ZNF718: variants seen among roughly 807,000 people sequenced by gnomAD.
ZNF718 encodes zinc finger protein 718.
Under a neutral mutation model 2.6 loss-of-function variants are expected in ZNF718, and 3 were observed. The ratio of observed to expected loss-of-function variants is 1.16; its 90% CI spans 0.53 to 3.01. The LOEUF is 3.01. Among genes scored for constraint, ZNF718 ranks in the 30% most tolerant of loss-of-function variants. The pLI is 0.03. For synonymous variants in ZNF718, 135 were observed against 77.9 expected (o/e 1.73, Z -3.86); for missense variants, 468 against 230.0 (o/e 2.03, Z -6.69).
intron 3 of ZNF718, among the ~76,000 whole-genome samples, chr4:188,848 C>T (rs1248893785): frequency 2.6e-5 from 4 of 152,084 alleles, no homozygotes; most frequent in African/African-American, 9.7e-5. Context: ...GATAGGTCCT[C>T]AAAATCTATC....
intron 3 of ZNF718, among the ~76,000 whole-genome samples, chr4:193,597 G>T (rs1391390689): frequency 6.6e-6 from 1 of 152,140 alleles, no homozygotes; most frequent in African/African-American, 2.4e-5. Flanking sequence ...GTGGCTCAGA[G>T]AAGTATCTAG....
Position 161,178 on chromosome 4 carries a change from T to C in ZNF718, c.493T>C (p.Tyr165His), listed in dbSNP as rs1553814971. 1 of 767,184 alleles carries C rather than the reference T, an allele frequency of 1.3e-6. No individual in the cohort carries two copies. Among genetic ancestry groups the C allele is most frequent in the East Asian group, 2.4e-5 (1 of 41,010 alleles). The allele number at this position is 767,184 out of a possible 1,614,324, so 47.5% of individuals were successfully genotyped here. The part of the protein sequence containing the change: ...FSNSNKDKIR[Y>H]TGDKTFKCKE... ...AAATTCAAACAAAGATAAGATAAGA[T>C]ATACTGGAGATAAAACCTTTAAATG... Residue 165 changes from tyrosine to histidine, a missense_variant, in exon 4 of 4, where the codon TAT becomes CAT. Tyr to His is a moderately conservative substitution (Grantham distance 83). Coordinates refer to ENST00000510175, the MANE Select transcript of ZNF718 (RefSeq NM_001039127.6).
At chr4:192,607 T>G (rs1374074910) in intron 3 of ZNF718, among the ~76,000 whole-genome samples, 1 of 152,128 alleles carries the variant, frequency 6.6e-6, no homozygotes, top group Non-Finnish European at 1.5e-5. Flanking sequence ...AACTCTTAAC[T>G]GCTATCTGCT....
chr4:154,808 A>G lies in ZNF718; in HGVS notation c.227-6104A>G, dbSNP rs182928251. Among the ~76,000 whole-genome samples, 7 of 152,340 alleles carry G rather than the reference A, an allele frequency of 4.6e-5. No individual in the cohort carries two copies. In the South Asian group the frequency reaches 8.3e-4, roughly 18 times the overall value. On this transcript the variant is annotated intron_variant, in intron 3 of 3. Transcript: ENST00000510175. ...ATTCAAGCTCACTGCAGAAATTCGC[A>G]TAAGTAATGAGGAGCCAAATGTTAA...
At chr4:169,299 G>A (rs565963661) in intron 3 of ZNF718, among the ~76,000 whole-genome samples, 44 of 152,284 alleles carry the variant, frequency 2.9e-4, no homozygotes, top group South Asian at 8.3e-4. Context: ...AATAAGTGCA[G>A]TGTGGTGCTG....
chr4:144,114 A>G (rs568330770), intron 3 of ZNF718, among the ~76,000 whole-genome samples: 3 of 152,274 alleles, frequency 2.0e-5, no homozygotes, highest in East Asian at 1.9e-4. Context: ...AAAGTAACCA[A>G]TGGAATACTC....
At chr4:200,336 C>T (rs1239086830) in intron 3 of ZNF718, among the ~76,000 whole-genome samples, 1 of 152,196 alleles carries the variant, frequency 6.6e-6, no homozygotes, top group Non-Finnish European at 1.5e-5. Context: ...GATCTTGGCT[C>T]ACTGCAACCT....
intron 3 of ZNF718, among the ~76,000 whole-genome samples, chr4:196,518 T>G (rs115174230): frequency 0.018 from 2,802 of 152,102 alleles, 82 homozygotes; most frequent in African/African-American, 0.064. Context: ...TAAGGAGAAT[T>G]TTGAGGCTAC....
chr4:134,584 C>G (rs1553808999), intron 3 of ZNF718, among the ~76,000 whole-genome samples: 1 of 152,136 alleles, frequency 6.6e-6, no homozygotes, highest in Non-Finnish European at 1.5e-5. Context: ...ATTAGTTATT[C>G]TAATGGAATA....
Position 161,282 on chromosome 4 carries a change from CA to C in ZNF718, c.598del (p.Thr200HisfsTer239), listed in dbSNP as rs1376962438. 1.3e-6 allele frequency: 1 copy of C among 782,030 alleles called. No homozygotes were observed. The highest frequency in any genetic ancestry group is 2.4e-6 in the Non-Finnish European group (1 of 419,494). The allele number at this position is 782,030 out of a possible 1,614,324, so 48.4% of individuals were successfully genotyped here. On this transcript the variant is annotated frameshift_variant, in exon 4 of 4. Transcript: ENST00000510175. LOFTEE classifies it low-confidence loss of function (END_TRUNC). ...KRIHTGENPY[T>X]CEECGKAFNW... ...GAATTCATACTGGAGAGAACCCCTA[CA>C]CATGTGAAGAATGTGGCAAAGCCTT...
At chr4:164,894 G>T (rs1425089958), downstream of ZNF718, among the ~76,000 whole-genome samples, 1 of 152,062 alleles carries the variant, frequency 6.6e-6, no homozygotes, top group Non-Finnish European at 1.5e-5. Flanking sequence ...CCATAATTAG[G>T]TATAAATATT....
chr4:155,325 C>G (rs1266862310), intron 3 of ZNF718, among the ~76,000 whole-genome samples: 1 of 152,114 alleles, frequency 6.6e-6, no homozygotes, highest in African/African-American at 2.4e-5. Context: ...AATGATAGAT[C>G]CACTGATAGC....
intron 3 of ZNF718, among the ~76,000 whole-genome samples, chr4:148,423 A>C (rs2108793221): frequency 6.6e-6 from 1 of 152,116 alleles, no homozygotes; most frequent in East Asian, 1.9e-4. Flanking sequence ...AGCCTGGCCA[A>C]ATTGGCCAAA....
intron 3 of ZNF718, among the ~76,000 whole-genome samples, chr4:174,582 T>A (rs551123009): frequency 6.6e-6 from 1 of 152,324 alleles, no homozygotes; most frequent in African/African-American, 2.4e-5. Context: ...CTCTAGTTAA[T>A]TAATTCAGCC....
chr4:190,143 G>A (rs1027878554), intron 3 of ZNF718, among the ~76,000 whole-genome samples: 1 of 152,044 alleles, frequency 6.6e-6, no homozygotes, highest in South Asian at 2.1e-4. Flanking sequence ...AATCTTACCT[G>A]TTCTAGGCCG....
At chr4:156,493 CA>C (rs148528640) in intron 3 of ZNF718, among the ~76,000 whole-genome samples, 117,394 of 151,536 alleles carry the variant, frequency 0.77, 45,782 homozygotes, top group East Asian at 0.96. Context: ...TTTTAATTGT[CA>C]AAAAAAACAG....
intron 3 of ZNF718, among the ~76,000 whole-genome samples, chr4:196,895 A>T (rs1717802683): frequency 6.6e-6 from 1 of 151,742 alleles, no homozygotes; most frequent in South Asian, 2.1e-4. Context: ...GATAGGACAG[A>T]ATAGCAAGTG....
chr4:134,876 A>G (rs61792240), intron 3 of ZNF718, among the ~76,000 whole-genome samples: 21,256 of 152,106 alleles, frequency 0.14, 1,948 homozygotes, highest in Admixed American at 0.24. Flanking sequence ...ACTTGAGCAT[A>G]GGAGTTTAAG....
In ZNF718 at chr4:161,105, A is replaced by C. The variant is rs9684215; in HGVS notation, c.420A>C (p.Lys140Asn). 2,867 of 768,652 alleles carry C rather than the reference A, an allele frequency of 3.7e-3. 61 individuals carry two copies. The African/African-American group carries it at 0.043, about 12-fold the overall frequency. 47.6% of individuals were successfully genotyped at this position (768,652 alleles called of 1,614,324 possible). A position where few individuals can be genotyped will look rare whatever the true frequency, so the allele number is the denominator to read the frequency against. The change falls in exon 4 of 4, where the codon AAA becomes AAC. Residue 140 changes from lysine to asparagine, a missense_variant. Physicochemically the swap from Lys to Asn is moderately conservative, Grantham distance 94. Transcript: ENST00000510175. Reference sequence around the variant, plus strand: ...ACCAATGCTTATTAACTACCCAGAAAAAAACAATTCAATCTAATATATGTG... The same window carrying C: ...ACCAATGCTTATTAACTACCCAGAACAAAACAATTCAATCTAATATATGTG... ...RINQCLLTTQ[K>N]KTIQSNICVK...
Sources: allele counts gnomAD v4.1 joint callset (sites outside exome capture counted in the v4.1 genomes callset), GRCh38; gene constraint gnomAD v4.1.1; transcripts MANE v1.5; gene names NCBI Gene and HGNC (gene_info 2026-07-23, HGNC 2026-07-21).